The following PDILT variants were observed in gnomAD, a reference collection of about 807,000 sequenced individuals.
PDILT encodes protein disulfide isomerase like, testis expressed.
In PDILT, 43 loss-of-function variants were observed where a neutral mutation model predicts 53.7. The observed-to-expected ratio is 0.80, with a 90% CI of 0.63 to 1.03. The LOEUF (loss-of-function observed/expected upper bound fraction) is 1.03. Among genes scored for constraint, PDILT ranks in the 50% least tolerant of loss-of-function variants. PDILT has a pLI of 0.00. For synonymous variants in PDILT, 282 were observed against 274.2 expected, an observed-to-expected ratio of 1.03 and a Z score of -0.28; for missense variants, 727 against 712.3, an observed-to-expected ratio of 1.02 and a Z score of -0.24.
At chr16:20,372,392 C>T (rs572348787) in intron 7 of PDILT, among the ~76,000 whole-genome samples, 1 of 152,296 alleles carries the variant, frequency 6.6e-6, no homozygotes, top group African/African-American at 2.4e-5. Context: ...TGTGCTACTC[C>T]CCACCTTCAG....
chr16:20,397,698 G>A (rs1481963406), intron 2 of PDILT, among the ~76,000 whole-genome samples: 8 of 152,160 alleles, frequency 5.3e-5, no homozygotes, highest in Non-Finnish European at 7.3e-5. Context: ...AACAACAGCC[G>A]CGAGGAGGAG....
chr16:20,376,007 C>T, intron 4 of PDILT, 61 bp downstream of exon 4: 1 of 1,591,278 alleles, frequency 6.3e-7, no homozygotes, highest in Non-Finnish European at 8.6e-7. Flanking sequence ...CACACCACCC[C>T]CTCCCAGACA....
chr16:20,363,110 GAAAAAGAAAAC>G (rs1388231746), intron 9 of PDILT, among the ~76,000 whole-genome samples: 1 of 137,618 alleles, frequency 7.3e-6, no homozygotes, highest in Non-Finnish European at 1.6e-5. Flanking sequence ...GAAAGAAAAA[GAAAAAGAAAAC>G]AAAAAGAAAA....
intron 3 of PDILT, among the ~76,000 whole-genome samples, chr16:20,376,693 A>G (rs960330213): frequency 1.3e-5 from 2 of 152,206 alleles, no homozygotes; most frequent in African/African-American, 2.4e-5. Flanking sequence ...GGAAAATCCT[A>G]TTATCTTCCT....
Position 20,376,059 on chromosome 16 carries a change from T to G in PDILT, c.543+9A>C. On this transcript the variant is annotated intron_variant, in intron 4 of 11. Coordinates refer to ENST00000302451, the MANE Select transcript of PDILT (RefSeq NM_174924.2). ...TTGAAAGCCTCCTCCCACCTCTTGG[T>G]CCCAGTACCTGGAAGAAGCCAACGA... 1 of 1,613,958 alleles carries G rather than the reference T, an allele frequency of 6.2e-7. No homozygotes were observed. The highest frequency in any genetic ancestry group is 8.5e-7 in the Non-Finnish European group (1 of 1,179,946).
chr16:20,381,634 CAAAAAAAAAAA>C lies in PDILT; in HGVS notation c.409+3000_409+3010del, dbSNP rs1034720000. On this transcript the variant is annotated intron_variant, in intron 3 of 11. Transcript: ENST00000302451. ...CTGGCAAAACAGTGAGACTCCATCT[CAAAAAAAAAAA>C]AAAAAAAAAAGAGAAATTGGAAGCC... 6.8e-5 allele frequency among the ~76,000 whole-genome samples: 4 copies of C among 58,592 alleles called. No homozygotes were observed. In the Admixed American group the frequency reaches 7.8e-4, roughly 11 times the overall value. 38.4% of individuals were successfully genotyped at this position (58,592 alleles called of 152,430 possible).
At chr16:20,379,797 G>A (rs1374563632) in intron 3 of PDILT, among the ~76,000 whole-genome samples, 4 of 152,182 alleles carry the variant, frequency 2.6e-5, no homozygotes, top group African/African-American at 9.7e-5. Context: ...ATGTGAAGCT[G>A]ATATGGTGGC....
At position 20,367,079 on chromosome 16, in the gene PDILT, CTTTCTTTCTTTCTTTCTTT is replaced by C. The variant is rs1966221189; in HGVS notation, c.1117-1558_1117-1540del. On this transcript the variant is annotated intron_variant, in intron 8 of 11. Coordinates refer to ENST00000302451, the MANE Select transcript of PDILT (RefSeq NM_174924.2). ...TCTTTCTTTCTTTCTTTCTTTCTTTCTTTCTTTCTTTCTTTCTTTCTTTCTTCCTTTCTTTCCTTTTGAG... is the reference window on the plus strand; with the variant it reads ...TCTTTCTTTCTTTCTTTCTTTCTTTCCTTTCTTCCTTTCTTTCCTTTTGAG... Among the ~76,000 whole-genome samples the C allele has an allele frequency of 5.0e-5, 6 of 120,278 alleles. No individual in the cohort carries two copies. The South Asian group carries it at 1.1e-3, about 21-fold the overall frequency. The allele number at this position is 120,278 out of a possible 152,430, so 78.9% of individuals were successfully genotyped here.
At chr16:20,366,967 CCTTCCTTCCTTCCTTCCTTCCTTTCTTT>C (rs1397759297) in intron 8 of PDILT, among the ~76,000 whole-genome samples, 3 of 70,442 alleles carry the variant, frequency 4.3e-5, no homozygotes, top group African/African-American at 1.0e-4. Context: ...TTCCTTCCTT[CCTTCCTTCCTTCCTTCCTTCCTTTCTTT>C]CTTTCTTTAT....
At position 20,367,067 on chromosome 16, in the gene PDILT, CTTTCTTTCTTTCTTTCTTTCTTT is replaced by C. The variant is rs1567320807; in HGVS notation, c.1117-1550_1117-1528del. Among the ~76,000 whole-genome samples, 14 of 119,068 alleles carry C rather than the reference CTTTCTTTCTTTCTTTCTTTCTTT, an allele frequency of 1.2e-4. 1 individual carries two copies. The highest frequency in any genetic ancestry group is 4.5e-4 in the Admixed American group (5 of 11,090). The allele number at this position is 119,068 out of a possible 152,430, so 78.1% of individuals were successfully genotyped here. On this transcript the variant is annotated intron_variant, in intron 8 of 11. Coordinates refer to ENST00000302451, the MANE Select transcript of PDILT (RefSeq NM_174924.2). The stretch of plus-strand genomic sequence containing the variant: ...TCTTTCTTTCTTTCTTTCTTTCTTT[CTTTCTTTCTTTCTTTCTTTCTTT>C]CTTTCTTTCTTTCTTCCTTTCTTTC...
At chr16:20,402,290 A>ATCTTTTT (rs1555492630) in intron 1 of PDILT, among the ~76,000 whole-genome samples, 1 of 149,520 alleles carries the variant, frequency 6.7e-6, no homozygotes, top group African/African-American at 2.5e-5. Flanking sequence ...AGGAGTGTTG[A>ATCTTTTT]TCTTTTCTTT....
In PDILT at chr16:20,359,357, C is replaced by T. The variant is rs1398777831; in HGVS notation, c.1717G>A (p.Val573Met). Residue 573 changes from valine (V) to methionine (M), a missense_variant, in exon 12 of 12, where the codon GTG (valine) becomes ATG (methionine). By Grantham distance (21) the Val-to-Met change is conservative (BLOSUM62 1). Coordinates refer to ENST00000302451, the MANE Select transcript of PDILT (RefSeq NM_174924.2). ...TTGACTTTTGGTTTCTTCTTTTGCA[C>T]TGGAGGTCCCTTTGGCTTAGCCACC... The part of the protein sequence containing the change: ...VVVAKPKGPP[V>M]QKKKPKVKEE... 3 of 1,614,192 alleles carry T rather than the reference C, an allele frequency of 1.9e-6. No individual in the cohort carries two copies. Among genetic ancestry groups the T allele is most frequent in the Non-Finnish European group, 2.5e-6 (3 of 1,180,038 alleles).
At chr16:20,378,834 A>G (rs1253371542) in intron 3 of PDILT, among the ~76,000 whole-genome samples, 2 of 152,162 alleles carry the variant, frequency 1.3e-5, no homozygotes, top group Non-Finnish European at 2.9e-5. Flanking sequence ...AACTTGTAAC[A>G]GATTACATTA....
At chr16:20,397,239 G>A (rs536350123) in intron 2 of PDILT, among the ~76,000 whole-genome samples, 73 of 152,202 alleles carry the variant, frequency 4.8e-4, no homozygotes, top group Non-Finnish European at 7.2e-4. Context: ...GGGCTCAAGC[G>A]ATTCTCCCAC....
At chr16:20,395,416 A>G (rs2141620355) in intron 2 of PDILT, among the ~76,000 whole-genome samples, 1 of 152,276 alleles carries the variant, frequency 6.6e-6, no homozygotes, top group South Asian at 2.1e-4. Flanking sequence ...TCTAGCTGGA[A>G]CGTGCAGTGC....
Position 20,364,104 on chromosome 16 carries a change from C to T in PDILT, c.1237+1316G>A, listed in dbSNP as rs145852729. Among the ~76,000 whole-genome samples, 20 of 152,350 alleles carry T rather than the reference C, an allele frequency of 1.3e-4. No homozygotes were observed. The East Asian group carries it at 3.9e-3, about 29-fold the overall frequency. ...GCACTCAGCGGGTCCTGGGTCAGAACAGGAGGGGGCATAATGGCTGCAGCC... is the reference window on the plus strand; with the variant it reads ...GCACTCAGCGGGTCCTGGGTCAGAATAGGAGGGGGCATAATGGCTGCAGCC... On this transcript the variant is annotated intron_variant, in intron 9 of 11. Coordinates refer to ENST00000302451, the MANE Select transcript of PDILT (RefSeq NM_174924.2).
intron 9 of PDILT, among the ~76,000 whole-genome samples, chr16:20,364,606 AT>A: frequency 6.6e-6 from 1 of 152,348 alleles, no homozygotes; most frequent in Non-Finnish European, 1.5e-5. Context: ...AAATGTTAAA[AT>A]AAAAGAAATG....
chr16:20,375,969 T>G, intron 4 of PDILT, 99 bp downstream of exon 4: 6 of 1,449,530 alleles, frequency 4.1e-6, no homozygotes, highest in Non-Finnish European at 5.6e-6. Flanking sequence ...ATGGAGAAAA[T>G]TGGGCAATCA....
intron 2 of PDILT, among the ~76,000 whole-genome samples, chr16:20,388,346 C>T (rs1369354697): frequency 6.6e-6 from 1 of 152,106 alleles, no homozygotes; most frequent in Non-Finnish European, 1.5e-5. Flanking sequence ...GCAGGAATAT[C>T]ACAGATAAGG....
Sources: gnomAD v4.1 joint callset for allele counts (sites outside exome capture counted in the v4.1 genomes callset) on GRCh38, gnomAD v4.1.1 for gene constraint, MANE v1.5 for transcripts, NCBI Gene and HGNC (gene_info 2026-07-23, HGNC 2026-07-21) for gene names.